CDHR3: variants seen among roughly 807,000 people sequenced by gnomAD.
CDHR3 encodes the protein cadherin related family member 3, also known as cadherin-related family member 3.
Under a neutral mutation model 86.6 loss-of-function variants are expected in CDHR3, and 79 were observed. The observed-to-expected ratio is 0.91, with a 90% CI of 0.76 to 1.10. The LOEUF (loss-of-function observed/expected upper bound fraction) is 1.10. Among genes scored for constraint, CDHR3 ranks in the 50% least tolerant of loss-of-function variants. The pLI, the probability that CDHR3 is intolerant of heterozygous loss-of-function variation, is 0.00. For synonymous variants in CDHR3, 421 were observed against 402.4 expected (o/e 1.05, Z -0.55); for missense variants, 1,081 against 1,077.6 (o/e 1.00, Z -0.04).
rs1224349907 is a variant in CDHR3, at chr7:105,982,481, GAAAA to G, written c.415+1359_415+1362del. Among the ~76,000 whole-genome samples the G allele has an allele frequency of 4.8e-3, 519 of 108,414 alleles. 9 individuals are homozygous for G. The highest frequency in any genetic ancestry group is 0.018 in the African/African-American group (489 of 26,954). 71.1% of individuals were successfully genotyped at this position (108,414 alleles called of 152,430 possible). A position where few individuals can be genotyped will look rare whatever the true frequency, so the allele number is the denominator to read the frequency against. ...GAGACTCTGTCTCAAAAAAAAAAAA[GAAAA>G]AAAAAAAAAAGAACCAATTAAATCT... On this transcript the variant is annotated intron_variant, in intron 3 of 18. Coordinates refer to ENST00000317716, the MANE Select transcript of CDHR3 (RefSeq NM_152750.5).
intron 4 of CDHR3, among the ~76,000 whole-genome samples, chr7:105,993,907 G>A (rs1184181024): frequency 1.3e-5 from 2 of 152,212 alleles, no homozygotes; most frequent in South Asian, 4.2e-4. Flanking sequence ...ATCTGGGCAG[G>A]GTGTCATCAA....
chr7:106,017,230 T>G (rs572946094), intron 11 of CDHR3, among the ~76,000 whole-genome samples: 1 of 152,166 alleles, frequency 6.6e-6, no homozygotes, highest in African/African-American at 2.4e-5. Context: ...TTGTTTCTGA[T>G]AGCAAAATGA....
chr7:106,024,358 C>G lies in CDHR3; in HGVS notation c.2077-23C>G, dbSNP rs1290758938. The G allele has an allele frequency of 2.5e-6, 4 of 1,610,408 alleles. No homozygotes were observed. In the Admixed American group the frequency reaches 6.7e-5, roughly 27 times the overall value. On this transcript the variant is annotated intron_variant, in intron 14 of 18. Transcript: ENST00000317716. ...AAATCACTACCACCCTCTACTCACC[C>G]TCCCTGCTCTCTGTTGTTCAAGCCC...
At chr7:106,005,519 A>C (rs1004646508) in intron 8 of CDHR3, among the ~76,000 whole-genome samples, 5 of 152,244 alleles carry the variant, frequency 3.3e-5, no homozygotes, top group Admixed American at 1.3e-4. Context: ...GCAACTCCAC[A>C]GCAGCCCTTG....
chr7:105,981,893 C>T (rs561286093), intron 3 of CDHR3, among the ~76,000 whole-genome samples: 2 of 152,198 alleles, frequency 1.3e-5, no homozygotes, highest in East Asian at 1.9e-4. Context: ...CTCTCTCTTT[C>T]ACACTTGACA....
intron 1 of CDHR3, 151 bp downstream of exon 1, chr7:105,963,515 C>T (rs1309695980): frequency 4.0e-6 from 1 of 249,810 alleles, no homozygotes; most frequent in Non-Finnish European, 6.3e-6. Flanking sequence ...GATGCCGCTC[C>T]AGGGAGCCCT....
intron 1 of CDHR3, among the ~76,000 whole-genome samples, chr7:105,967,492 A>G (rs995149838): frequency 1.3e-5 from 2 of 152,362 alleles, no homozygotes; most frequent in East Asian, 1.9e-4. Flanking sequence ...GCTGGGTCCA[A>G]TGGTATTTCT....
chr7:105,984,326 G>A (rs758768596), intron 4 of CDHR3, 37 bp downstream of exon 4: 29 of 1,536,080 alleles, frequency 1.9e-5, no homozygotes, highest in African/African-American at 5.4e-5. Flanking sequence ...GTGTTTGTCC[G>A]TGTTGGGTTA....
At chr7:105,971,097 C>G (rs948363760) in intron 1 of CDHR3, among the ~76,000 whole-genome samples, 2 of 150,204 alleles carry the variant, frequency 1.3e-5, no homozygotes, top group South Asian at 4.2e-4. Flanking sequence ...GCCAAGATCG[C>G]GCCACTGCAT....
At chr7:105,969,256 G>A (rs1346538618) in intron 1 of CDHR3, among the ~76,000 whole-genome samples, 4 of 148,290 alleles carry the variant, frequency 2.7e-5, no homozygotes, top group Admixed American at 6.7e-5. Context: ...AAAATTAGCC[G>A]GGCGAGGTGG....
At position 106,022,428 on chromosome 7, in the gene CDHR3, A is replaced by G. The variant is rs1428064717; in HGVS notation, c.2056A>G (p.Ile686Val). The G allele has an allele frequency of 6.2e-7, 1 of 1,613,934 alleles. No homozygotes were observed. The highest frequency in any genetic ancestry group is 1.1e-5 in the South Asian group (1 of 91,080). ...TAAAGTCATTCCCCACCCAACCACTATCATCACCACGACCCCCAGGGTAAG... is the reference window on the plus strand; with the variant it reads ...TAAAGTCATTCCCCACCCAACCACTGTCATCACCACGACCCCCAGGGTAAG... ...SIKVIPHPTTIITTTPRPRVT... is the reference protein window; with the variant it reads ...SIKVIPHPTTVITTTPRPRVT... Residue 686 changes from isoleucine to valine, a missense_variant, in exon 14 of 19, where the codon ATC becomes GTC. Ile to Val is a conservative substitution (Grantham distance 29, BLOSUM62 3). Transcript: ENST00000317716.
intron 17 of CDHR3, among the ~76,000 whole-genome samples, chr7:106,028,920 C>CTTTCTTTCTT (rs1563311742): frequency 1.6e-5 from 1 of 60,660 alleles, no homozygotes; most frequent in Non-Finnish European, 3.2e-5. Context: ...TTTAAATTTT[C>CTTTCTTTCTT]TTTCTTTCTT....
intron 1 of CDHR3, among the ~76,000 whole-genome samples, chr7:105,967,272 A>G (rs193802): frequency 0.76 from 115,713 of 151,930 alleles, 45,258 homozygotes; most frequent in East Asian, 0.95. Context: ...ATGTCCCTGC[A>G]AAGGACATGA....
chr7:106,001,021 G>A (rs1833084012), intron 6 of CDHR3, among the ~76,000 whole-genome samples: 1 of 152,080 alleles, frequency 6.6e-6, no homozygotes. Context: ...GAACAAGGGA[G>A]GGAACCCGCA....
At chr7:106,015,347 C>A in intron 10 of CDHR3, 134 bp downstream of exon 10, 1 of 669,810 alleles carries the variant, frequency 1.5e-6, no homozygotes, top group Non-Finnish European at 2.5e-6. Context: ...CCCCCTCTTT[C>A]TCGGCTGAAT....
chr7:106,009,867 G>A (rs1195943371), intron 8 of CDHR3, among the ~76,000 whole-genome samples: 1 of 152,244 alleles, frequency 6.6e-6, no homozygotes, highest in Non-Finnish European at 1.5e-5. Context: ...CAGTTTGGCT[G>A]ATTCAGAATG....
chr7:106,017,837 T>C lies in CDHR3; in HGVS notation c.1427-9T>C. 3 of 1,559,914 alleles carry C rather than the reference T, an allele frequency of 1.9e-6. No individual in the cohort carries two copies. The highest frequency in any genetic ancestry group is 1.7e-6 in the Non-Finnish European group (2 of 1,152,012). ...AGCAGGACTTATTGCAGGTACTTTA[T>C]TCCTCCAGCCAGAACCCGAGTGGGA... On this transcript the variant is annotated splice_polypyrimidine_tract_variant and intron_variant, in intron 11 of 18. Transcript: ENST00000317716.
At chr7:106,019,419 A>T in intron 12 of CDHR3, among the ~76,000 whole-genome samples, 1 of 150,002 alleles carries the variant, frequency 6.7e-6, no homozygotes, top group Non-Finnish European at 1.5e-5. Context: ...AAATGAATGG[A>T]CTCCACTCTG....
intron 7 of CDHR3, among the ~76,000 whole-genome samples, chr7:106,003,328 C>A (rs1239111925): frequency 6.6e-6 from 1 of 152,126 alleles, no homozygotes; most frequent in East Asian, 1.9e-4. Context: ...ATCTGCCAGA[C>A]TGATGGGAGT....
Sources: allele counts gnomAD v4.1 joint callset (sites outside exome capture counted in the v4.1 genomes callset), GRCh38; gene constraint gnomAD v4.1.1; transcripts MANE v1.5; gene names NCBI Gene and HGNC (gene_info 2026-07-23, HGNC 2026-07-21).